AFF3: variants seen among roughly 807,000 people sequenced by gnomAD.
AFF3 encodes AF4/FMR2 family member 3.
In AFF3, 32 loss-of-function variants were observed where a neutral mutation model predicts 129.7. That is an observed-to-expected ratio of 0.25 (90% confidence interval 0.19 to 0.33). AFF3 has a LOEUF of 0.33. Ranked by LOEUF, AFF3 falls within the 10% of genes least tolerant of loss-of-function variation. The pLI is 1.00. For synonymous variants in AFF3, 644 were observed against 635.4 expected (o/e 1.01, Z -0.20); for missense variants, 1,373 against 1,592.0 (o/e 0.86, Z 2.34).
At chr2:99,756,065 C>G (rs1414620447) in intron 8 of AFF3, among the ~76,000 whole-genome samples, 1 of 152,176 alleles carries the variant, frequency 6.6e-6, no homozygotes, top group Non-Finnish European at 1.5e-5. Flanking sequence ...TAAACTTGGG[C>G]CCTCCTTTCC....
At chr2:99,912,880 G>A (rs1695199306) in intron 7 of AFF3, among the ~76,000 whole-genome samples, 1 of 152,190 alleles carries the variant, frequency 6.6e-6, no homozygotes, top group Non-Finnish European at 1.5e-5. Context: ...TCCTTAAAGA[G>A]ATTTCAGAGA....
intron 2 of AFF3, among the ~76,000 whole-genome samples, chr2:100,108,382 A>G (rs1396293900): frequency 6.6e-6 from 1 of 152,064 alleles, no homozygotes; most frequent in East Asian, 1.9e-4. Context: ...ATCATTCACC[A>G]GGTCCCGAGC....
At chr2:99,831,133 A>G (rs1688490568) in intron 8 of AFF3, among the ~76,000 whole-genome samples, 1 of 152,256 alleles carries the variant, frequency 6.6e-6, no homozygotes, top group Non-Finnish European at 1.5e-5. Flanking sequence ...TACAGGCTCC[A>G]CACATGGTGG....
At chr2:99,571,075 T>C (rs1676432712) in intron 18 of AFF3, among the ~76,000 whole-genome samples, 3 of 152,324 alleles carry the variant, frequency 2.0e-5, no homozygotes, top group Middle Eastern at 3.4e-3. Context: ...TGCTGTAGAC[T>C]TCTTTGATCT....
chr2:99,566,901 T>C lies in AFF3; in HGVS notation c.2983-1278A>G, dbSNP rs1407761725. ...CAGAAATGCAGAGCAAAACTTCCTC[T>C]CCTTAGCAAATCAAAATTTTAAACT... On this transcript the variant is annotated intron_variant, in intron 19 of 24. Transcript: ENST00000672756. Among the ~76,000 whole-genome samples, 4 of 151,974 alleles carry C rather than the reference T, an allele frequency of 2.6e-5. No individual in the cohort carries two copies. The East Asian group carries it at 7.7e-4, about 29-fold the overall frequency.
chr2:99,635,870 T>C (rs1683604497), intron 13 of AFF3, among the ~76,000 whole-genome samples: 1 of 152,150 alleles, frequency 6.6e-6, no homozygotes, highest in Admixed American at 6.5e-5. Context: ...GCACAGGGCC[T>C]GGGGCAGCAA....
At chr2:99,564,214 A>C (rs1675761259) in intron 20 of AFF3, among the ~76,000 whole-genome samples, 2 of 152,174 alleles carry the variant, frequency 1.3e-5, no homozygotes, top group Non-Finnish European at 2.9e-5. Flanking sequence ...AATCAGACAA[A>C]ACCCAAAAAA....
intron 11 of AFF3, among the ~76,000 whole-genome samples, chr2:99,725,564 A>T (rs1679300586): frequency 6.6e-6 from 1 of 151,134 alleles, no homozygotes. Flanking sequence ...TCCTGGTCTC[A>T]AGTGATCTGC....
At chr2:99,974,559 T>C (rs72819158) in intron 7 of AFF3, among the ~76,000 whole-genome samples, 8,638 of 152,240 alleles carry the variant, frequency 0.057, 348 homozygotes, top group Non-Finnish European at 0.086. Flanking sequence ...CCTCTCTCCT[T>C]TACTACCAGG....
At chr2:99,575,749 T>C (rs1490296770) in intron 18 of AFF3, among the ~76,000 whole-genome samples, 1 of 152,194 alleles carries the variant, frequency 6.6e-6, no homozygotes, top group African/African-American at 2.4e-5. Context: ...TTCTATTATA[T>C]CTATATCCAT....
chr2:99,905,085 C>T (rs1694615813), intron 7 of AFF3, among the ~76,000 whole-genome samples: 1 of 152,210 alleles, frequency 6.6e-6, no homozygotes, highest in South Asian at 2.1e-4. Context: ...CCTGCTCTCT[C>T]TACCACCTCT....
chr2:99,807,809 C>T (rs1168028702), intron 8 of AFF3, among the ~76,000 whole-genome samples: 5 of 152,024 alleles, frequency 3.3e-5, no homozygotes, highest in Non-Finnish European at 7.4e-5. Context: ...CCAATCACAT[C>T]CTACTGTGAG....
intron 7 of AFF3, among the ~76,000 whole-genome samples, chr2:99,853,415 T>C (rs1690288703): frequency 6.6e-6 from 1 of 152,174 alleles, no homozygotes; most frequent in Non-Finnish European, 1.5e-5. Flanking sequence ...TAAGGAAGAT[T>C]AAAAGTCACC....
intron 11 of AFF3, among the ~76,000 whole-genome samples, chr2:99,704,589 G>C (rs1677183028): frequency 6.6e-6 from 1 of 152,206 alleles, no homozygotes; most frequent in Non-Finnish European, 1.5e-5. Context: ...GGTCAATCAA[G>C]GATAGCAGTG....
At position 99,837,512 on chromosome 2, in the gene AFF3, C is replaced by T; in HGVS notation, c.886G>A (p.Gly296Arg). 6.2e-7 allele frequency: 1 copy of T among 1,613,568 alleles called. No individual in the cohort carries two copies. Among genetic ancestry groups the T allele is most frequent in the Non-Finnish European group, 8.5e-7 (1 of 1,179,836 alleles). ...IPKQGEESRS[G>R]ETNSCVEEII... ...TCTTCAACACAGCTGTTGGTTTCTCCAGATCTACTCTCCTGAAAGCAAAGA... is the reference window on the plus strand; with the variant it reads ...TCTTCAACACAGCTGTTGGTTTCTCTAGATCTACTCTCCTGAAAGCAAAGA... The change falls in exon 8 of 25, where the codon GGA becomes AGA. Residue 296 changes from glycine (G) to arginine (R), a missense_variant. Transcript: ENST00000672756.
chr2:99,715,832 C>T (rs184442348), intron 11 of AFF3, among the ~76,000 whole-genome samples: 140 of 152,058 alleles, frequency 9.2e-4, no homozygotes, highest in Non-Finnish European at 1.6e-3. Flanking sequence ...CCACCATGCC[C>T]GGCTAATTTT....
intron 7 of AFF3, among the ~76,000 whole-genome samples, chr2:99,850,857 A>G (rs1295666903): frequency 1.3e-5 from 2 of 152,214 alleles, no homozygotes; most frequent in Admixed American, 6.5e-5. Context: ...ATAGCAGCTA[A>G]CAAATTAAAT....
chr2:100,036,386 C>T (rs188071696), intron 4 of AFF3, among the ~76,000 whole-genome samples: 149 of 152,042 alleles, frequency 9.8e-4, no homozygotes, highest in African/African-American at 3.2e-3. Flanking sequence ...GAAAAGTGGG[C>T]GCTTCAATCA....
In AFF3 at chr2:99,711,658, G is replaced by A. The variant is rs558047892; in HGVS notation, c.1091+15419C>T. On this transcript the variant is annotated intron_variant, in intron 11 of 24. Transcript: ENST00000672756. ...GCTGATGGTATTTCTGAAAGAAGACGCACAGCGAATGTATGTGTTCCAGCC... is the reference window on the plus strand; with the variant it reads ...GCTGATGGTATTTCTGAAAGAAGACACACAGCGAATGTATGTGTTCCAGCC... Among the ~76,000 whole-genome samples the A allele has an allele frequency of 9.2e-4, 140 of 152,290 alleles. No homozygotes were observed. The Middle Eastern group carries it at 0.014, about 15-fold the overall frequency.
Sources: allele counts gnomAD v4.1 joint callset (sites outside exome capture counted in the v4.1 genomes callset), GRCh38; gene constraint gnomAD v4.1.1; transcripts MANE v1.5; gene names NCBI Gene and HGNC (gene_info 2026-07-23, HGNC 2026-07-21).